Variants in SMIM8 observed in about 807,000 individuals in gnomAD.
SMIM8 encodes the protein UPF0708 protein C6orf162.
Under a neutral mutation model 8.1 loss-of-function variants are expected in SMIM8, and 8 were observed. The observed-to-expected ratio is 0.99, with a 90% CI of 0.58 to 1.78. The LOEUF is 1.78. SMIM8 is among the 40% of genes most tolerant of loss of function. The probability of loss-of-function intolerance (pLI) is 0.00; values close to 1 mark genes in which losing one functional copy is unlikely to be tolerated. For synonymous variants in SMIM8, 45 were observed against 39.7 expected (o/e 1.13, Z -0.50); for missense variants, 126 against 119.8 (o/e 1.05, Z -0.24).
rs543615730 is a variant in SMIM8 at position 87,324,024 on chromosome 6, G to C, written c.-45+1392G>C. Among the ~76,000 whole-genome samples the C allele has an allele frequency of 1.9e-4, 29 of 150,334 alleles. 1 individual carries two copies. Among genetic ancestry groups the C allele is most frequent in the Admixed American group, 1.6e-3 (24 of 15,204 alleles). On this transcript the variant is annotated intron_variant, in intron 1 of 3. Transcript: ENST00000392863. ...TTGATTTGCATTTCTCTGATGGCCA[G>C]TGATGGTGAGCATTTTTTCATGTGT... is the stretch of plus-strand genomic sequence containing the variant.
intron 2 of SMIM8, among the ~76,000 whole-genome samples, chr6:87,334,802 A>G (rs911866552): frequency 6.6e-6 from 1 of 152,248 alleles, no homozygotes; most frequent in Non-Finnish European, 1.5e-5. Context: ...TACCAAGCCA[A>G]TACACATGCC....
intron 3 of SMIM8, 86 bp downstream of exon 3, chr6:87,337,252 A>T: frequency 7.0e-7 from 1 of 1,427,160 alleles, no homozygotes; most frequent in Non-Finnish European, 9.3e-7. Flanking sequence ...TGATTTTATC[A>T]TGGAAATTTT....
chr6:87,328,934 G>T (rs967653639), intron 1 of SMIM8, among the ~76,000 whole-genome samples: 4 of 152,242 alleles, frequency 2.6e-5, no homozygotes, highest in African/African-American at 9.6e-5. Flanking sequence ...TCCGAACCAC[G>T]TGCGGGATAT....
chr6:87,333,873 G>A (rs1192923463), intron 2 of SMIM8, among the ~76,000 whole-genome samples: 1 of 152,160 alleles, frequency 6.6e-6, no homozygotes, highest in Non-Finnish European at 1.5e-5. Flanking sequence ...TTATAAAGAA[G>A]TACCTGATGC....
Position 87,340,230 on chromosome 6 carries a change from G to A in SMIM8, c.250G>A (p.Glu84Lys). The stretch of plus-strand genomic sequence containing the variant: ...GGACCTCTATGAAGCTATTGATAGT[G>A]AGGGGCACAGTTATATGAGGCGGAA... ...KKDLYEAIDS[E>K]GHSYMRRKTS... Residue 84 changes from glutamate (E) to lysine (K), a missense_variant, in exon 4 of 4, where the codon GAG (glutamate) becomes AAG (lysine). By Grantham distance (56) the Glu-to-Lys change is moderately conservative. Coordinates refer to ENST00000392863, the MANE Select transcript of SMIM8 (RefSeq NM_001042493.3). The A allele has an allele frequency of 1.2e-6, 2 of 1,610,770 alleles. No individual in the cohort carries two copies. Among genetic ancestry groups the A allele is most frequent in the Non-Finnish European group, 1.7e-6 (2 of 1,178,934 alleles).
intron 2 of SMIM8, 23 bp from the exon 3 acceptor site, chr6:87,336,986 A>G: frequency 6.6e-7 from 1 of 1,525,720 alleles, no homozygotes; most frequent in Non-Finnish European, 8.8e-7. Flanking sequence ...ATGAAGGGAA[A>G]AAATATATTA....
intron 3 of SMIM8, 144 bp downstream of exon 3, chr6:87,337,310 G>T: frequency 1.3e-6 from 1 of 785,320 alleles, no homozygotes; most frequent in Non-Finnish European, 1.9e-6. Flanking sequence ...GTGGAAGGAC[G>T]ATTGTAAATG....
chr6:87,329,243 G>A (rs58321177), intron 1 of SMIM8: 11,691 of 153,484 alleles, frequency 0.076, 977 homozygotes, highest in African/African-American at 0.21. Flanking sequence ...GCTGTAGACC[G>A]GAGCTGTTCC....
At chr6:87,324,609 GT>G (rs1386562936) in intron 1 of SMIM8, among the ~76,000 whole-genome samples, 1 of 150,294 alleles carries the variant, frequency 6.7e-6, no homozygotes, top group Non-Finnish European at 1.5e-5. Context: ...TGAGGGCTCT[GT>G]TCTATTCCAT....
chr6:87,328,864 T>C (rs1355983839), intron 1 of SMIM8, among the ~76,000 whole-genome samples: 1 of 152,188 alleles, frequency 6.6e-6, no homozygotes, highest in Non-Finnish European at 1.5e-5. Flanking sequence ...ACTGCCGCCT[T>C]GCAGTTTGAT....
chr6:87,335,958 C>T (rs970692917), intron 2 of SMIM8, among the ~76,000 whole-genome samples: 1 of 151,102 alleles, frequency 6.6e-6, no homozygotes, highest in Non-Finnish European at 1.5e-5. Flanking sequence ...AGGCTGCAGG[C>T]TGCAGTGAGC....
chr6:87,324,619 A>G (rs1202062960), intron 1 of SMIM8, among the ~76,000 whole-genome samples: 1 of 147,532 alleles, frequency 6.8e-6, no homozygotes, highest in Admixed American at 6.8e-5. Context: ...GTTCTATTCC[A>G]TTGATCTATA....
At chr6:87,328,323 G>T (rs1354545476) in intron 1 of SMIM8, among the ~76,000 whole-genome samples, 1 of 152,154 alleles carries the variant, frequency 6.6e-6, no homozygotes, top group East Asian at 1.9e-4. Context: ...AGGAGGAGAG[G>T]CACTCTGCTT....
At position 87,341,403 on chromosome 6, in the gene SMIM8, G is replaced by T; in HGVS notation, c.*1129G>T. On this transcript the variant is annotated 3_prime_UTR_variant, in exon 4 of 4. Transcript: ENST00000392863. The stretch of plus-strand genomic sequence containing the variant: ...ACCTGGCCCAGGGGCCTAGGACAGA[G>T]GTCAAGGCTAGGCCCCTGTGTCTGG... 2 of 397,376 alleles carry T rather than the reference G, an allele frequency of 5.0e-6. No individual in the cohort carries two copies. Among genetic ancestry groups the T allele is most frequent in the Non-Finnish European group, 8.9e-6 (2 of 225,434 alleles). The allele number at this position is 397,376 out of a possible 1,614,324, so 24.6% of individuals were successfully genotyped here.
intron 1 of SMIM8, among the ~76,000 whole-genome samples, chr6:87,328,836 C>T (rs1472890808): frequency 6.6e-6 from 1 of 152,132 alleles, no homozygotes; most frequent in Non-Finnish European, 1.5e-5. Flanking sequence ...CAATGGCGGG[C>T]GCCCCTCCCC....
rs375679985 is a variant in SMIM8 at position 87,324,238 on chromosome 6, G to T, written c.-45+1606G>T. Among the ~76,000 whole-genome samples the T allele has an allele frequency of 1.4e-4, 22 of 152,256 alleles. No homozygotes were observed. In the East Asian group the frequency reaches 4.0e-3, roughly 28 times the overall value. On this transcript the variant is annotated intron_variant, in intron 1 of 3. Coordinates refer to ENST00000392863, the MANE Select transcript of SMIM8 (RefSeq NM_001042493.3). ...ATTTTGTAGGTTGCCTGTTCACTCT[G>T]ATGGTAGTTTCTTTTGCTGTGCAGA...
intron 1 of SMIM8, among the ~76,000 whole-genome samples, chr6:87,328,707 TTGTC>T: frequency 6.6e-6 from 1 of 152,320 alleles, no homozygotes; most frequent in Middle Eastern, 3.4e-3. Context: ...GTCTTTTTGT[TTGTC>T]TGTGCCCTGC....
chr6:87,337,844 T>C (rs984166934), intron 3 of SMIM8, among the ~76,000 whole-genome samples: 2 of 152,104 alleles, frequency 1.3e-5, no homozygotes, highest in Non-Finnish European at 2.9e-5. Flanking sequence ...CCCAAACTGG[T>C]TTTGAACTCC....
intron 2 of SMIM8, among the ~76,000 whole-genome samples, chr6:87,336,563 G>A (rs576500816): frequency 7.2e-5 from 11 of 152,250 alleles, no homozygotes; most frequent in African/African-American, 2.6e-4. Flanking sequence ...GAATCTGTAG[G>A]AGAAGATAAT....
Sources: gnomAD v4.1 joint callset for allele counts (sites outside exome capture counted in the v4.1 genomes callset) on GRCh38, gnomAD v4.1.1 for gene constraint, MANE v1.5 for transcripts, NCBI Gene and HGNC (gene_info 2026-07-23, HGNC 2026-07-21) for gene names.